CPN1: variants seen among roughly 807,000 people sequenced by gnomAD.
CPN1 encodes carboxypeptidase N subunit 1, also known as carboxypeptidase N catalytic chain.
In CPN1, 37 loss-of-function variants were observed where a neutral mutation model predicts 46.4. That is an observed-to-expected ratio of 0.80 (90% confidence interval 0.61 to 1.05). CPN1 has a LOEUF of 1.05. CPN1 is among the 50% of genes least tolerant of loss of function. CPN1 has a pLI of 0.00. For missense variants in CPN1, 563 were observed against 602.6 expected (o/e 0.93, Z 0.69); for synonymous variants, 224 against 235.4 (o/e 0.95, Z 0.44).
chr10:100,062,010 C>T (rs2041421560), intron 5 of CPN1, among the ~76,000 whole-genome samples: 1 of 151,960 alleles, frequency 6.6e-6, no homozygotes. Context: ...CCAGCCGTGC[C>T]TTGTATTCAA....
At chr10:100,080,933 G>T (rs2041541322) in intron 1 of CPN1, among the ~76,000 whole-genome samples, 1 of 152,060 alleles carries the variant, frequency 6.6e-6, no homozygotes, top group African/African-American at 2.4e-5. Flanking sequence ...AAATAAAACT[G>T]ACACCCAAGT....
intron 7 of CPN1, among the ~76,000 whole-genome samples, chr10:100,051,532 ATTT>A (rs879599755): frequency 1.4e-5 from 2 of 147,194 alleles, no homozygotes; most frequent in Non-Finnish European, 3.0e-5. Context: ...ATGAAAAAAA[ATTT>A]TTTTTTTTTT....
intron 2 of CPN1, among the ~76,000 whole-genome samples, chr10:100,075,290 A>T (rs2041507672): frequency 6.6e-6 from 1 of 152,144 alleles, no homozygotes; most frequent in African/African-American, 2.4e-5. Flanking sequence ...ACTCTATCCC[A>T]AAAAAAGAAA....
intron 5 of CPN1, among the ~76,000 whole-genome samples, chr10:100,061,431 G>A (rs1362375406): frequency 1.3e-5 from 2 of 152,202 alleles, no homozygotes; most frequent in Non-Finnish European, 2.9e-5. Context: ...GAATCACCTA[G>A]AAGGCTGAAA....
intron 6 of CPN1, among the ~76,000 whole-genome samples, chr10:100,056,057 G>C (rs188945415): frequency 7.4e-4 from 113 of 152,262 alleles, no homozygotes; most frequent in African/African-American, 2.6e-3. Context: ...AATTATTTGA[G>C]GAATTGCCAG....
Position 100,081,560 on chromosome 10 carries a change from G to T in CPN1, c.66C>A (p.Thr22=), listed in dbSNP as rs757598430. The T allele has an allele frequency of 6.2e-7, 1 of 1,614,054 alleles. No individual in the cohort carries two copies. Among genetic ancestry groups the T allele is most frequent in the Admixed American group, 1.7e-5 (1 of 59,990 alleles). The part of the protein sequence containing the change: ...LLLFKLVAPV[T]FRHHRYDDLV... ...GATCATCATAGCGGTGGTGGCGAAA[G>T]GTCACCGGGGCAACCAACTTGAAGA... Residue 22 remains threonine, a synonymous_variant, in exon 1 of 9, where the codon ACC becomes ACA. Coordinates refer to ENST00000370418, the MANE Select transcript of CPN1 (RefSeq NM_001308.3).
At chr10:100,067,494 C>A (rs569490036) in intron 3 of CPN1, among the ~76,000 whole-genome samples, 2 of 152,300 alleles carry the variant, frequency 1.3e-5, no homozygotes, top group South Asian at 4.1e-4. Flanking sequence ...GTCAGCATGG[C>A]TTTTGCTTCA....
chr10:100,069,224 C>T lies in CPN1; in HGVS notation c.576+490G>A, dbSNP rs539738941. On this transcript the variant is annotated intron_variant, in intron 3 of 8. Coordinates refer to ENST00000370418, the MANE Select transcript of CPN1 (RefSeq NM_001308.3). ...TTTAACCAGGCACGGTGGCTCACGC[C>T]TGTAATCCCAGCACTTTGGGAGGCT... is the stretch of plus-strand genomic sequence containing the variant. Among the ~76,000 whole-genome samples, 5 of 152,314 alleles carry T rather than the reference C, an allele frequency of 3.3e-5. No homozygotes were observed. In the South Asian group the frequency reaches 1.0e-3, roughly 32 times the overall value.
chr10:100,051,837 T>C (rs2041356044), intron 7 of CPN1, among the ~76,000 whole-genome samples: 1 of 152,048 alleles, frequency 6.6e-6, no homozygotes, highest in South Asian at 2.1e-4. Flanking sequence ...CCTAATAATT[T>C]GTTAATTAAC....
At chr10:100,069,460 G>T (rs2041472291) in intron 3 of CPN1, among the ~76,000 whole-genome samples, 1 of 144,972 alleles carries the variant, frequency 6.9e-6, no homozygotes, top group Non-Finnish European at 1.5e-5. Context: ...CAGCCTGGGC[G>T]ACAGAGCGAG....
intron 1 of CPN1, among the ~76,000 whole-genome samples, chr10:100,077,538 A>T (rs1400662306): frequency 6.6e-6 from 1 of 151,886 alleles, no homozygotes; most frequent in Non-Finnish European, 1.5e-5. Flanking sequence ...GCTGGGTTTT[A>T]CCTATTTTTA....
chr10:100,059,166 CA>C (rs1233934211), intron 5 of CPN1, among the ~76,000 whole-genome samples: 1 of 151,058 alleles, frequency 6.6e-6, no homozygotes, highest in Non-Finnish European at 1.5e-5. Flanking sequence ...ACACAGGCAA[CA>C]AAAGAAAAAA....
rs758828408 is a variant in CPN1 at position 100,054,437 on chromosome 10, C to T, written c.1021G>A (p.Gly341Ser). 1 of 1,612,566 alleles carries T rather than the reference C, an allele frequency of 6.2e-7. No homozygotes were observed. Among genetic ancestry groups the T allele is most frequent in the Non-Finnish European group, 8.5e-7 (1 of 1,178,636 alleles). The change falls in exon 7 of 9, where the codon GGC becomes AGC. Residue 341 changes from glycine to serine, a missense_variant. Physicochemically the swap from Gly to Ser is moderately conservative, Grantham distance 56. Transcript: ENST00000370418. The part of the protein sequence containing the change: ...LIQFLEQVHQ[G>S]IKGMVLDENY... Reference sequence around the variant, plus strand: ...TCATCAAGCACCATTCCCTTGATGCCCTGGTGAACCTGCAGGAACAAGTAT... The same window carrying T: ...TCATCAAGCACCATTCCCTTGATGCTCTGGTGAACCTGCAGGAACAAGTAT...
Position 100,042,580 on chromosome 10 carries a change from GA to G in CPN1, c.1231-8del, listed in dbSNP as rs777594990. The stretch of plus-strand genomic sequence containing the variant: ...TTTTGAGGTGGAAGTTAACCTGGAA[GA>G]AAAAAAGCAGGAGCTACGAGATCCG... On this transcript the variant is annotated splice_region_variant and splice_polypyrimidine_tract_variant and intron_variant, in intron 8 of 8. Transcript: ENST00000370418. 5 of 1,613,640 alleles carry G rather than the reference GA, an allele frequency of 3.1e-6. No individual in the cohort carries two copies. Among genetic ancestry groups the G allele is most frequent in the Non-Finnish European group, 4.2e-6 (5 of 1,179,944 alleles).
chr10:100,077,883 G>A (rs1471560543), intron 1 of CPN1, among the ~76,000 whole-genome samples: 3 of 150,916 alleles, frequency 2.0e-5, no homozygotes, highest in African/African-American at 2.4e-5. Context: ...AGTTCCCTCC[G>A]GTCTCCTATT....
chr10:100,066,369 T>TA (rs1373405883), intron 3 of CPN1, among the ~76,000 whole-genome samples: 1 of 152,218 alleles, frequency 6.6e-6, no homozygotes, highest in African/African-American at 2.4e-5. Context: ...CAGTGACTTC[T>TA]AAGTCATCTT....
At position 100,059,356 on chromosome 10, in the gene CPN1, G is replaced by A. The variant is rs542043932; in HGVS notation, c.872-2204C>T. On this transcript the variant is annotated intron_variant, in intron 5 of 8. Coordinates refer to ENST00000370418, the MANE Select transcript of CPN1 (RefSeq NM_001308.3). ...TATTTGTGATACATATATCTGATAA[G>A]ATATTAATATTCAGCATACACAGAG... 3.4e-4 allele frequency among the ~76,000 whole-genome samples: 51 copies of A among 151,572 alleles called. 1 individual carries two copies. In the South Asian group the frequency reaches 7.9e-3, roughly 24 times the overall value.
At chr10:100,057,734 AGT>A (rs1255066773) in intron 5 of CPN1, among the ~76,000 whole-genome samples, 1 of 152,230 alleles carries the variant, frequency 6.6e-6, no homozygotes, top group East Asian at 1.9e-4. Flanking sequence ...GGCAGATGGC[AGT>A]GTGTGTTTAG....
At chr10:100,059,644 G>C (rs910625691) in intron 5 of CPN1, among the ~76,000 whole-genome samples, 1 of 148,460 alleles carries the variant, frequency 6.7e-6, no homozygotes. Context: ...TGAAACTCCC[G>C]TGCACAGGTG....
Sources: allele counts gnomAD v4.1 joint callset (sites outside exome capture counted in the v4.1 genomes callset), GRCh38; gene constraint gnomAD v4.1.1; transcripts MANE v1.5; gene names NCBI Gene and HGNC (gene_info 2026-07-23, HGNC 2026-07-21).